DGKB: variants seen among roughly 807,000 people sequenced by gnomAD.
The protein encoded by DGKB is 90 kDa diacylglycerol kinase.
A neutral mutation model predicts 114.3 loss-of-function variants in DGKB; 67 were observed. That is an observed-to-expected ratio of 0.59 (90% CI 0.48 to 0.72). The LOEUF (loss-of-function observed/expected upper bound fraction) is 0.72. DGKB is among the 30% of genes least tolerant of loss of function. The pLI is 0.00. For synonymous variants in DGKB, 398 were observed against 323.1 expected, an observed-to-expected ratio of 1.23 and a Z score of -2.49; for missense variants, 907 against 975.2, an observed-to-expected ratio of 0.93 and a Z score of 0.93.
intron 21 of DGKB, among the ~76,000 whole-genome samples, chr7:14,453,115 C>T (rs1451268284): frequency 6.6e-6 from 1 of 152,130 alleles, no homozygotes; most frequent in African/African-American, 2.4e-5. Context: ...TGCATTAACT[C>T]ATTTACTCTT....
Position 14,319,723 on chromosome 7 carries a change from C to G in DGKB, c.2122+18792G>C, listed in dbSNP as rs1031986169. On this transcript the variant is annotated intron_variant, in intron 23 of 25. Coordinates refer to ENST00000402815, the MANE Select transcript of DGKB (RefSeq NM_001350709.2). Reference sequence around the variant, plus strand: ...ACTTGCCAGGGTGTGAAAGATAAATCCTCTAAAGAGTCAATTCATCTTTGT... The same window carrying G: ...ACTTGCCAGGGTGTGAAAGATAAATGCTCTAAAGAGTCAATTCATCTTTGT... Among the ~76,000 whole-genome samples, 4 of 152,104 alleles carry G rather than the reference C, an allele frequency of 2.6e-5. No homozygotes were observed. The East Asian group carries it at 7.7e-4, about 29-fold the overall frequency.
chr7:14,533,366 G>C (rs1791905992), intron 20 of DGKB, among the ~76,000 whole-genome samples: 2 of 151,472 alleles, frequency 1.3e-5, no homozygotes, highest in Non-Finnish European at 3.0e-5. Context: ...AAAAGAACAA[G>C]AATAAATAGA....
At chr7:14,723,670 C>A (rs576269677) in intron 5 of DGKB, among the ~76,000 whole-genome samples, 4 of 151,376 alleles carry the variant, frequency 2.6e-5, no homozygotes, top group Non-Finnish European at 5.9e-5. Context: ...GTAATTAGAG[C>A]GTATTAGTCT....
rs185360776 is a variant in DGKB, at chr7:14,570,653, C to A, written c.1770+3559G>T. ...AGAAAGAGAAAATATATATACTATTCATTAACTGGAAGTTGATCATCATAA... is the reference window on the plus strand; with the variant it reads ...AGAAAGAGAAAATATATATACTATTAATTAACTGGAAGTTGATCATCATAA... On this transcript the variant is annotated intron_variant, in intron 20 of 25. Coordinates refer to ENST00000402815, the MANE Select transcript of DGKB (RefSeq NM_001350709.2). 3.2e-3 allele frequency among the ~76,000 whole-genome samples: 490 copies of A among 152,062 alleles called. 1 individual carries two copies. The highest frequency in any genetic ancestry group is 0.011 in the African/African-American group (466 of 41,498).
At chr7:14,792,311 T>C (rs1840775779) in intron 2 of DGKB, among the ~76,000 whole-genome samples, 1 of 152,132 alleles carries the variant, frequency 6.6e-6, no homozygotes, top group Non-Finnish European at 1.5e-5. Context: ...TATTAAGTGC[T>C]TTATTCGTGT....
At chr7:14,546,110 G>A (rs1320578211) in intron 20 of DGKB, among the ~76,000 whole-genome samples, 1 of 152,114 alleles carries the variant, frequency 6.6e-6, no homozygotes, top group Non-Finnish European at 1.5e-5. Flanking sequence ...CAGTTACATT[G>A]CAAACATCTT....
chr7:14,157,568 G>A (rs1347607188), intron 25 of DGKB, among the ~76,000 whole-genome samples: 1 of 152,116 alleles, frequency 6.6e-6, no homozygotes, highest in Non-Finnish European at 1.5e-5. Flanking sequence ...GTATGGAAAA[G>A]AGAACACTTA....
intron 2 of DGKB, among the ~76,000 whole-genome samples, chr7:14,776,453 G>T (rs1053578500): frequency 6.6e-6 from 1 of 152,174 alleles, no homozygotes; most frequent in African/African-American, 2.4e-5. Context: ...ATGGTTTCCT[G>T]GACTGGGCCC....
intron 23 of DGKB, among the ~76,000 whole-genome samples, chr7:14,235,821 T>A (rs902198965): frequency 3.9e-5 from 6 of 152,204 alleles, no homozygotes; most frequent in African/African-American, 1.4e-4. Flanking sequence ...TTGAAACTAA[T>A]TTAGCTGTTA....
chr7:14,919,254 T>C (rs1784405501), intron 1 of DGKB, among the ~76,000 whole-genome samples: 1 of 152,072 alleles, frequency 6.6e-6, no homozygotes, highest in Admixed American at 6.6e-5. Flanking sequence ...GGCAGCACGT[T>C]ATTGACAAAG....
intron 20 of DGKB, among the ~76,000 whole-genome samples, chr7:14,570,985 GT>G (rs1798299448): frequency 6.6e-6 from 1 of 152,108 alleles, no homozygotes; most frequent in African/African-American, 2.4e-5. Flanking sequence ...TTGAGGTGTT[GT>G]CCCATGCAGT....
At chr7:14,416,041 ATG>A (rs1259543494) in intron 21 of DGKB, among the ~76,000 whole-genome samples, 7 of 151,902 alleles carry the variant, frequency 4.6e-5, no homozygotes, top group Non-Finnish European at 1.0e-4. Context: ...GCATTTTTTC[ATG>A]TGTTTTTTGG....
intron 23 of DGKB, among the ~76,000 whole-genome samples, chr7:14,178,773 A>T (rs575249319): frequency 6.6e-6 from 1 of 152,286 alleles, no homozygotes; most frequent in South Asian, 2.1e-4. Context: ...ACTGTTTGGT[A>T]GTATACTAGA....
At chr7:14,226,630 A>C (rs1007561349) in intron 23 of DGKB, among the ~76,000 whole-genome samples, 1 of 152,054 alleles carries the variant, frequency 6.6e-6, no homozygotes, top group Admixed American at 6.6e-5. Context: ...AAAGATTTTC[A>C]TAATTATCTT....
intron 13 of DGKB, among the ~76,000 whole-genome samples, chr7:14,634,516 A>ACACT (rs1362544559): frequency 6.7e-6 from 1 of 149,262 alleles, no homozygotes; most frequent in Non-Finnish European, 1.5e-5. Context: ...ACACACACAC[A>ACACT]CTTGTTTTGC....
At chr7:14,490,574 A>T (rs1453452248) in intron 20 of DGKB, among the ~76,000 whole-genome samples, 1 of 152,160 alleles carries the variant, frequency 6.6e-6, no homozygotes, top group Admixed American at 6.6e-5. Context: ...TGTGGATTTA[A>T]TTCCTGAAAG....
intron 15 of DGKB, among the ~76,000 whole-genome samples, chr7:14,617,105 G>T (rs1374128951): frequency 6.6e-6 from 1 of 151,624 alleles, no homozygotes; most frequent in Admixed American, 6.6e-5. Context: ...TACACACTCT[G>T]TCCTTTAATG....
intron 25 of DGKB, among the ~76,000 whole-genome samples, chr7:14,164,712 T>A (rs980835349): frequency 6.6e-6 from 1 of 152,188 alleles, no homozygotes; most frequent in Non-Finnish European, 1.5e-5. Context: ...ATTTCAAAGA[T>A]GTCAAATACT....
rs188207741 is a variant in DGKB, at chr7:14,189,808, G to A, written c.2123-11657C>T. 2.8e-3 allele frequency among the ~76,000 whole-genome samples: 428 copies of A among 152,204 alleles called. 2 individuals carry two copies. The highest frequency in any genetic ancestry group is 9.8e-3 in the African/African-American group (405 of 41,532). On this transcript the variant is annotated intron_variant, in intron 23 of 25. Coordinates refer to ENST00000402815, the MANE Select transcript of DGKB (RefSeq NM_001350709.2). ...GTCAAAAACTGTTAAAAGAGGCAGA[G>A]AATGTTATTATATATAATGAGAAAG...
Sources: allele counts gnomAD v4.1 joint callset (sites outside exome capture counted in the v4.1 genomes callset), GRCh38; gene constraint gnomAD v4.1.1; transcripts MANE v1.5; gene names NCBI Gene and HGNC (gene_info 2026-07-23, HGNC 2026-07-21).